The following ODAM variants were observed in gnomAD, a reference collection of about 807,000 sequenced individuals.
ODAM encodes the protein odontogenic, ameloblast associated.
ODAM carries 55 observed loss-of-function variants against 48.5 expected under a neutral mutation model. That is an observed-to-expected ratio of 1.13 (90% CI 0.91 to 1.42). ODAM has a LOEUF of 1.42. Among genes scored for constraint, ODAM ranks in the 40% most tolerant of loss-of-function variants. ODAM has a pLI of 0.00. For synonymous variants in ODAM, 127 were observed against 107.8 expected (o/e 1.18, Z -1.10); for missense variants, 353 against 323.6 (o/e 1.09, Z -0.70).
Position 70,198,468 on chromosome 4 carries a change from C to G in ODAM, c.376-111C>G, listed in dbSNP as rs796905069. ...AACGGATGACTTTTTGTTGTGGAAA[C>G]TTGTTAACACAAAGGATAAATTTAT... On this transcript the variant is annotated intron_variant, in intron 5 of 11. Coordinates refer to ENST00000683306, the MANE Select transcript of ODAM (RefSeq NM_017855.4). 5 of 853,408 alleles carry G rather than the reference C, an allele frequency of 5.9e-6. No individual in the cohort carries two copies. The African/African-American group carries it at 8.7e-5, about 15-fold the overall frequency. The allele number at this position is 853,408 out of a possible 1,614,324, so 52.9% of individuals were successfully genotyped here. A position where few individuals can be genotyped will look rare whatever the true frequency, so the allele number is the denominator to read the frequency against.
chr4:70,199,854 A>G (rs1287799141), intron 6 of ODAM, among the ~76,000 whole-genome samples: 3 of 152,018 alleles, frequency 2.0e-5, no homozygotes, highest in South Asian at 2.1e-4. Flanking sequence ...AAAAATTAAC[A>G]TATGTACTAA....
At chr4:70,196,439 G>T in intron 1 of ODAM, 90 bp from the exon 2 acceptor site, 1 of 659,190 alleles carries the variant, frequency 1.5e-6, no homozygotes, top group Non-Finnish European at 2.5e-6. Flanking sequence ...AATTCACCCA[G>T]CTATTCCTTT....
At position 70,200,580 on chromosome 4, in the gene ODAM, A is replaced by G. The variant is rs780434622; in HGVS notation, c.507A>G (p.Arg169=). ...TTCCAAGGTCACCTCAACAAACAAG[A>G]CAGCAACAGTATGAGGAGCAGGTAC... ...QTVPRSPQQT[R]QQQYEEQIPF... Residue 169 remains arginine (R), a synonymous_variant, in exon 7 of 12, where the codon AGA becomes AGG. Coordinates refer to ENST00000683306, the MANE Select transcript of ODAM (RefSeq NM_017855.4). 15 of 1,609,830 alleles carry G rather than the reference A, an allele frequency of 9.3e-6. 1 individual carries two copies. The South Asian group carries it at 1.6e-4, about 18-fold the overall frequency.
chr4:70,197,882 G>C, intron 4 of ODAM, 42 bp from the exon 5 acceptor site: 1 of 1,511,142 alleles, frequency 6.6e-7, no homozygotes. Flanking sequence ...AATTCTTTTT[G>C]GCATGAAGGG....
At chr4:70,201,883 C>T (rs1033656199) in intron 8 of ODAM, among the ~76,000 whole-genome samples, 2 of 151,840 alleles carry the variant, frequency 1.3e-5, no homozygotes, top group African/African-American at 2.4e-5. Context: ...AAGCATCAGT[C>T]GCTCATATTA....
chr4:70,197,615 A>T, intron 4 of ODAM: 1 of 538,378 alleles, frequency 1.9e-6, no homozygotes, highest in Non-Finnish European at 3.3e-6. Flanking sequence ...AACCAGTAAC[A>T]GCAGGTTGGC....
intron 8 of ODAM, 91 bp downstream of exon 8, chr4:70,201,592 A>G: frequency 1.3e-6 from 1 of 752,014 alleles, no homozygotes; most frequent in Non-Finnish European, 2.3e-6. Context: ...GCCAAAGATG[A>G]CCAGGAGCGC....
chr4:70,202,646 T>TC (rs1729525344), intron 9 of ODAM, 110 bp from the exon 10 acceptor site: 6 of 773,216 alleles, frequency 7.8e-6, no homozygotes, highest in Non-Finnish European at 1.2e-5. Context: ...CAACTCTTTT[T>TC]TTAATATAAT....
Position 70,195,800 on chromosome 4 carries a change from T to G in ODAM, c.-16+7T>G. ...TTTTAGGTCCAGGAGTAAGGTAAGA[T>G]ATCAAATCTTTGCTTTTATAGTTTG... is the stretch of plus-strand genomic sequence containing the variant. On this transcript the variant is annotated splice_region_variant and intron_variant, in intron 1 of 11. Transcript: ENST00000683306. 3 of 980,844 alleles carry G rather than the reference T, an allele frequency of 3.1e-6. No individual in the cohort carries two copies. Among genetic ancestry groups the G allele is most frequent in the Non-Finnish European group, 3.6e-6 (3 of 825,868 alleles). 60.8% of individuals were successfully genotyped at this position (980,844 alleles called of 1,614,324 possible).
At chr4:70,196,063 C>T (rs568920492) in intron 1 of ODAM, among the ~76,000 whole-genome samples, 1 of 152,070 alleles carries the variant, frequency 6.6e-6, no homozygotes, top group South Asian at 2.1e-4. Context: ...TATTAGACTA[C>T]TAAGTGGAAA....
chr4:70,201,431 A>T (rs1729491033), intron 7 of ODAM, 23 bp from the exon 8 acceptor site: 1 of 1,264,480 alleles, frequency 7.9e-7, no homozygotes, highest in Non-Finnish European at 1.1e-6. Flanking sequence ...AAAATATAAT[A>T]CATTTTTTAA....
rs568425459 is a variant in ODAM, at chr4:70,197,792, C to A, written c.142-132C>A. ...GCTTGGTTCAAAATGAATCAAGATG[C>A]TGTCCTTTTTTATGTTGCAACATTG... is the stretch of plus-strand genomic sequence containing the variant. On this transcript the variant is annotated intron_variant, in intron 4 of 11. Coordinates refer to ENST00000683306, the MANE Select transcript of ODAM (RefSeq NM_017855.4). The A allele has an allele frequency of 6.8e-4, 459 of 679,790 alleles. No homozygotes were observed. In the Middle Eastern group the frequency reaches 7.7e-3, roughly 11 times the overall value. 42.1% of individuals were successfully genotyped at this position (679,790 alleles called of 1,614,324 possible).
intron 5 of ODAM, 28 bp downstream of exon 5, chr4:70,198,185 TGAG>T: frequency 1.3e-6 from 2 of 1,573,210 alleles, no homozygotes; most frequent in East Asian, 2.2e-5. Flanking sequence ...CATTTTGTTC[TGAG>T]GAGAGAGAAC....
intron 3 of ODAM, among the ~76,000 whole-genome samples, 160 bp from the exon 4 acceptor site, chr4:70,197,114 C>T (rs184085289): frequency 6.6e-6 from 1 of 152,142 alleles, no homozygotes; most frequent in Non-Finnish European, 1.5e-5. Context: ...AATCTAACTT[C>T]TAATCACTGT....
chr4:70,200,432 A>G (rs1012771796), intron 6 of ODAM, 65 bp from the exon 7 acceptor site: 15 of 793,676 alleles, frequency 1.9e-5, no homozygotes, highest in Non-Finnish European at 2.9e-5. Flanking sequence ...TGACATTAGA[A>G]GATAAAAAGT....
chr4:70,197,162 T>G (rs1200158420), intron 3 of ODAM, 112 bp from the exon 4 acceptor site: 1 of 643,704 alleles, frequency 1.6e-6, no homozygotes, highest in East Asian at 2.7e-5. Flanking sequence ...GTCCCACTTC[T>G]AACAAGAAAT....
At chr4:70,198,681 T>C in intron 6 of ODAM, 55 bp downstream of exon 6, 1 of 1,369,448 alleles carries the variant, frequency 7.3e-7, no homozygotes, top group Non-Finnish European at 1.0e-6. Context: ...CTCTCCACAA[T>C]GCTTTCTATT....
Position 70,198,064 on chromosome 4 carries a change from A to C in ODAM, c.282A>C (p.Thr94=). The C allele has an allele frequency of 6.2e-7, 1 of 1,613,346 alleles. No homozygotes were observed. Among genetic ancestry groups the C allele is most frequent in the Non-Finnish European group, 8.5e-7 (1 of 1,179,538 alleles). ...TGCTCCCAAATCAGATACCCTTAAC[A>C]GGAGAGGCCAGTTTTGCCCAAGGAG... is the stretch of plus-strand genomic sequence containing the variant. ...AGLLPNQIPL[T]GEASFAQGAQ... Residue 94 remains threonine, a synonymous_variant, in exon 5 of 12, where the codon ACA becomes ACC. Coordinates refer to ENST00000683306, the MANE Select transcript of ODAM (RefSeq NM_017855.4).
At chr4:70,203,735 G>A (rs552328710) in intron 11 of ODAM, among the ~76,000 whole-genome samples, 6 of 152,010 alleles carry the variant, frequency 3.9e-5, no homozygotes, top group South Asian at 4.2e-4. Flanking sequence ...TGATAGAAGG[G>A]CAGTCTGGGA....
Sources: allele counts gnomAD v4.1 joint callset (sites outside exome capture counted in the v4.1 genomes callset), GRCh38; gene constraint gnomAD v4.1.1; transcripts MANE v1.5; gene names NCBI Gene and HGNC (gene_info 2026-07-23, HGNC 2026-07-21).